The following CDH11 variants were observed in gnomAD, a reference collection of about 807,000 sequenced individuals.
CDH11 encodes cadherin-11.
CDH11 carries 11 observed loss-of-function variants against 67.8 expected under a neutral mutation model. The observed-to-expected ratio is 0.16, with a 90% CI of 0.10 to 0.27. The LOEUF (loss-of-function observed/expected upper bound fraction) is 0.27, where lower values mean the gene tolerates loss of function less well. Ranked by LOEUF, CDH11 falls within the 10% of genes least tolerant of loss-of-function variation. The pLI is 1.00. For missense variants in CDH11, 847 were observed against 1,031.2 expected (o/e 0.82, Z 2.45); for synonymous variants, 419 against 400.0 (o/e 1.05, Z -0.57).
chr16:64,984,669 G>C (rs1271262618), intron 7 of CDH11: 5 of 152,192 alleles, frequency 3.3e-5, no homozygotes, highest in Non-Finnish European at 5.9e-5. Context: ...TATCTAATCT[G>C]TGGAAATGTA....
intron 1 of CDH11, among the ~76,000 whole-genome samples, chr16:65,097,569 A>G (rs567789133): frequency 4.8e-4 from 73 of 151,492 alleles, no homozygotes; most frequent in African/African-American, 1.5e-3. Context: ...AAGCTGTGAC[A>G]AAACAAATGT....
intron 3 of CDH11, among the ~76,000 whole-genome samples, chr16:64,999,116 C>T (rs2072849250): frequency 6.6e-6 from 1 of 152,130 alleles, no homozygotes; most frequent in African/African-American, 2.4e-5. Context: ...TCACCTCTCT[C>T]CATATATATG....
At chr16:65,034,704 AGCCCCGCACCC>A (rs1338151880) in intron 2 of CDH11, among the ~76,000 whole-genome samples, 2 of 152,190 alleles carry the variant, frequency 1.3e-5, no homozygotes, top group Non-Finnish European at 2.9e-5. Context: ...CCAGAATTAG[AGCCCCGCACCC>A]TAAAGCTTAA....
At chr16:65,050,760 G>A (rs532664681) in intron 2 of CDH11, among the ~76,000 whole-genome samples, 3 of 150,678 alleles carry the variant, frequency 2.0e-5, no homozygotes, top group Non-Finnish European at 4.4e-5. Context: ...AAGCTTTGCA[G>A]AACTCTTCAA....
At chr16:64,971,061 T>C (rs1331441147) in intron 11 of CDH11, among the ~76,000 whole-genome samples, 7 of 152,220 alleles carry the variant, frequency 4.6e-5, no homozygotes, top group Non-Finnish European at 1.0e-4. Flanking sequence ...GCCGTTTTTA[T>C]AATGGACAAA....
chr16:65,061,750 C>G (rs916129847), intron 1 of CDH11, among the ~76,000 whole-genome samples: 3 of 152,138 alleles, frequency 2.0e-5, no homozygotes, highest in African/African-American at 7.2e-5. Context: ...TTTCTCTATC[C>G]CCCAGGAGCT....
intron 12 of CDH11, chr16:64,948,761 A>AG (rs764602500): frequency 1.1e-5 from 18 of 1,601,202 alleles, no homozygotes; most frequent in African/African-American, 4.0e-5. Flanking sequence ...TCCCTGGGAG[A>AG]GGGGGGTTCC....
intron 5 of CDH11, among the ~76,000 whole-genome samples, chr16:64,992,353 G>A (rs2072650001): frequency 6.6e-6 from 1 of 152,148 alleles, no homozygotes; most frequent in South Asian, 2.1e-4. Flanking sequence ...AAAGCAGGAG[G>A]TGCATATTTC....
At chr16:65,065,459 T>G (rs1203520879) in intron 1 of CDH11, among the ~76,000 whole-genome samples, 1 of 152,156 alleles carries the variant, frequency 6.6e-6, no homozygotes, top group East Asian at 1.9e-4. Flanking sequence ...TTGCAAGGGC[T>G]GCTTCACGAA....
At chr16:65,029,900 C>T (rs982104277) in intron 2 of CDH11, among the ~76,000 whole-genome samples, 2 of 152,092 alleles carry the variant, frequency 1.3e-5, no homozygotes, top group Admixed American at 6.5e-5. Context: ...GCCTATGTCA[C>T]GAGTACCTTT....
chr16:64,956,480 T>A (rs1302949627), intron 11 of CDH11, among the ~76,000 whole-genome samples: 1 of 152,188 alleles, frequency 6.6e-6, no homozygotes, highest in Non-Finnish European at 1.5e-5. Flanking sequence ...GGTAAGAAAA[T>A]ATTTCATATT....
At chr16:64,956,564 C>A (rs970278836) in intron 11 of CDH11, among the ~76,000 whole-genome samples, 2 of 152,158 alleles carry the variant, frequency 1.3e-5, no homozygotes, top group African/African-American at 4.8e-5. Flanking sequence ...ATCTTGACAC[C>A]AGTGTTCTCA....
chr16:64,988,114 CA>C (rs1338574070), intron 7 of CDH11, 42 bp downstream of exon 7: 1 of 1,468,768 alleles, frequency 6.8e-7, no homozygotes, highest in African/African-American at 1.4e-5. Context: ...CTTGGCAGAG[CA>C]GGCCATACCA....
At chr16:65,010,952 C>CTT (rs2073164451) in intron 2 of CDH11, among the ~76,000 whole-genome samples, 1 of 135,874 alleles carries the variant, frequency 7.4e-6, no homozygotes, top group East Asian at 2.2e-4. Context: ...ATATGTGTGA[C>CTT]ATATATATAT....
At chr16:65,012,513 C>T (rs967560275) in intron 2 of CDH11, among the ~76,000 whole-genome samples, 15 of 152,272 alleles carry the variant, frequency 9.9e-5, no homozygotes, top group African/African-American at 4.8e-5. Context: ...ACTAATGTTT[C>T]AATGAAATCA....
chr16:65,097,847 A>T (rs982341072), intron 1 of CDH11, among the ~76,000 whole-genome samples: 6 of 152,122 alleles, frequency 3.9e-5, no homozygotes, highest in African/African-American at 1.2e-4. Context: ...AAAAATTTTT[A>T]AAAATAAGAG....
intron 3 of CDH11, among the ~76,000 whole-genome samples, chr16:65,003,651 CTT>C (rs1333854135): frequency 1.3e-5 from 2 of 152,096 alleles, no homozygotes; most frequent in African/African-American, 4.8e-5. Flanking sequence ...TCCAAACTCT[CTT>C]GAATTTGTAT....
chr16:64,953,335 G>A (rs1330381655), intron 11 of CDH11, among the ~76,000 whole-genome samples: 1 of 151,220 alleles, frequency 6.6e-6, no homozygotes, highest in Non-Finnish European at 1.5e-5. Context: ...TCTTATTTAG[G>A]GATGGGCAGA....
intron 1 of CDH11, among the ~76,000 whole-genome samples, chr16:65,055,654 A>G (rs1240528557): frequency 1.3e-5 from 2 of 152,172 alleles, no homozygotes; most frequent in African/African-American, 2.4e-5. Context: ...CGTTTCACCC[A>G]TACTTATTTA....
Sources: allele counts gnomAD v4.1 joint callset (sites outside exome capture counted in the v4.1 genomes callset), GRCh38; gene constraint gnomAD v4.1.1; transcripts MANE v1.5; gene names NCBI Gene and HGNC (gene_info 2026-07-23, HGNC 2026-07-21).